Variants in RMDN3 observed in about 807,000 individuals in gnomAD.
RMDN3 encodes regulator of microtubule dynamics 3.
Under a neutral mutation model 61.8 loss-of-function variants are expected in RMDN3, and 41 were observed. That is an observed-to-expected ratio of 0.66 (90% CI 0.52 to 0.86). The LOEUF (loss-of-function observed/expected upper bound fraction) is 0.86, where lower values mean the gene tolerates loss of function less well. Among genes scored for constraint, RMDN3 ranks in the 40% least tolerant of loss-of-function variants. The pLI is 0.00. For missense variants in RMDN3, 557 were observed against 585.3 expected (o/e 0.95, Z 0.50); for synonymous variants, 247 against 232.0 (o/e 1.06, Z -0.59).
chr15:40,748,214 T>C (rs947441842), intron 4 of RMDN3, among the ~76,000 whole-genome samples: 35 of 152,148 alleles, frequency 2.3e-4, no homozygotes, highest in Admixed American at 9.8e-4. Context: ...CAGCCCTTCA[T>C]CCCTCAAAGC....
At chr15:40,742,839 CA>C (rs1897336361) in intron 6 of RMDN3, among the ~76,000 whole-genome samples, 1 of 152,078 alleles carries the variant, frequency 6.6e-6, no homozygotes, top group South Asian at 2.1e-4. Flanking sequence ...ATGAAGAGTC[CA>C]AAAATCAGCC....
Position 40,750,231 on chromosome 15 carries a change from T to C in RMDN3, c.524+1195A>G, listed in dbSNP as rs1393408841. Among the ~76,000 whole-genome samples the C allele has an allele frequency of 3.5e-4, 51 of 145,044 alleles. 1 individual carries two copies. The highest frequency in any genetic ancestry group is 1.3e-3 in the African/African-American group (49 of 37,658). ...GCTCGTTTTTTTTTTTTTTTTTTTT[T>C]TTCTTTGAGATGGAGTCTCACTCTG... On this transcript the variant is annotated intron_variant, in intron 4 of 12. Transcript: ENST00000338376.
intron 4 of RMDN3, among the ~76,000 whole-genome samples, chr15:40,749,631 T>C (rs1041158814): frequency 6.6e-6 from 1 of 152,206 alleles, no homozygotes; most frequent in Admixed American, 6.5e-5. Context: ...CAAACATCAA[T>C]TCCCCACCCA....
chr15:40,743,732 ACCT>A (rs1897372154), intron 6 of RMDN3, among the ~76,000 whole-genome samples: 1 of 152,112 alleles, frequency 6.6e-6, no homozygotes. Flanking sequence ...GCAGCAAAAA[ACCT>A]CAGGTTAAGA....
Position 40,745,125 on chromosome 15 carries a change from G to A in RMDN3, c.659C>T (p.Ala220Val), listed in dbSNP as rs769673003. 6 of 1,614,028 alleles carry A rather than the reference G, an allele frequency of 3.7e-6. No homozygotes were observed. In the South Asian group the frequency reaches 6.6e-5, roughly 18 times the overall value. The change falls in exon 5 of 13, where the codon GCT (alanine) becomes GTT (valine). Residue 220 changes from alanine to valine, a missense_variant. Coordinates refer to ENST00000338376, the MANE Select transcript of RMDN3 (RefSeq NM_018145.3). ...KDSLDLEEEAASGASSALEAG... is the reference protein window; with the variant it reads ...KDSLDLEEEAVSGASSALEAG... ...CTCCAGGGCACTGGAGGCACCTGAAGCTGCCTCTTCCTCCAAGTCAAGAGA... is the reference window on the plus strand; with the variant it reads ...CTCCAGGGCACTGGAGGCACCTGAAACTGCCTCTTCCTCCAAGTCAAGAGA...
intron 4 of RMDN3, among the ~76,000 whole-genome samples, chr15:40,745,870 C>G (rs1387081025): frequency 1.3e-5 from 2 of 152,212 alleles, no homozygotes; most frequent in African/African-American, 4.8e-5. Flanking sequence ...CAGCCACACA[C>G]ACATCCACAA....
intron 8 of RMDN3, 55 bp downstream of exon 8, chr15:40,738,446 G>C: frequency 6.4e-7 from 1 of 1,567,484 alleles, no homozygotes; most frequent in South Asian, 1.1e-5. Flanking sequence ...AGCTGGAAAG[G>C]AGTGGGGAAT....
intron 7 of RMDN3, 144 bp from the exon 8 acceptor site, chr15:40,738,720 T>A (rs1254362116): frequency 4.0e-5 from 29 of 724,670 alleles, no homozygotes; most frequent in Non-Finnish European, 1.9e-5. Context: ...CATCTGTACG[T>A]AATCCCCATT....
intron 4 of RMDN3, among the ~76,000 whole-genome samples, chr15:40,745,584 TC>T (rs1897503561): frequency 1.3e-5 from 2 of 152,100 alleles, no homozygotes; most frequent in Middle Eastern, 3.4e-3. Context: ...CAGACTGGTC[TC>T]AAACCCCTGG....
rs780908773 is a variant in RMDN3 at position 40,738,028 on chromosome 15, T to G, written c.1062A>C (p.Lys354Asn). 12 of 1,614,000 alleles carry G rather than the reference T, an allele frequency of 7.4e-6. No individual in the cohort carries two copies. In the East Asian group the frequency reaches 2.7e-4, roughly 36 times the overall value. The change falls in exon 9 of 13, where the codon AAA (lysine) becomes AAC (asparagine). Residue 354 changes from lysine (K) to asparagine (N), a missense_variant. By Grantham distance (94) the Lys-to-Asn change is moderately conservative. Transcript: ENST00000338376. ...SGFSFKEHVD[K>N]AIALQPENPM... ...GGTTTTCTGGCTGGAGAGCAATGGC[T>G]TTGTCCACATGCTCCTAAGGGGAAA...
At position 40,737,381 on chromosome 15, in the gene RMDN3, A is replaced by G. The variant is rs116351777; in HGVS notation, c.1225-40T>C. 686 of 1,575,826 alleles carry G rather than the reference A, an allele frequency of 4.4e-4. 4 individuals are homozygous for G. The African/African-American group carries it at 8.6e-3, about 20-fold the overall frequency. ...AAAGATATTTCAGTAAGAGGTTCCTATATTCTAATCAGGCTGAAGTTTATT... is the reference window on the plus strand; with the variant it reads ...AAAGATATTTCAGTAAGAGGTTCCTGTATTCTAATCAGGCTGAAGTTTATT... On this transcript the variant is annotated intron_variant, in intron 10 of 12. Coordinates refer to ENST00000338376, the MANE Select transcript of RMDN3 (RefSeq NM_018145.3).
chr15:40,744,887 A>G (rs1028612947), intron 5 of RMDN3, 90 bp downstream of exon 5: 4 of 1,369,238 alleles, frequency 2.9e-6, no homozygotes. Flanking sequence ...TAGGGGCAGT[A>G]ACCACACGGG....
chr15:40,744,299 C>G (rs1186456242), intron 5 of RMDN3, 150 bp from the exon 6 acceptor site: 1 of 647,028 alleles, frequency 1.5e-6, no homozygotes, highest in African/African-American at 1.8e-5. Context: ...CAGCCTTCCC[C>G]CCAGTCATCC....
At chr15:40,744,543 G>A (rs181697715) in intron 5 of RMDN3, among the ~76,000 whole-genome samples, 1 of 151,878 alleles carries the variant, frequency 6.6e-6, no homozygotes, top group Admixed American at 6.6e-5. Context: ...TATTCTGTCA[G>A]TGAACCTGAC....
At position 40,749,841 on chromosome 15, in the gene RMDN3, G is replaced by A. The variant is rs1040531496; in HGVS notation, c.524+1585C>T. On this transcript the variant is annotated intron_variant, in intron 4 of 12. Transcript: ENST00000338376. ...GAATAGAAAAGGGCCACCTCTGTTT[G>A]CCCTTGAGAATGCAGATAACAGGGA... Among the ~76,000 whole-genome samples the A allele has an allele frequency of 8.5e-5, 13 of 152,128 alleles. 1 individual carries two copies. The highest frequency in any genetic ancestry group is 6.2e-4 in the South Asian group (3 of 4,826).
At chr15:40,741,410 C>G (rs1247036423) in intron 6 of RMDN3, among the ~76,000 whole-genome samples, 2 of 152,040 alleles carry the variant, frequency 1.3e-5, no homozygotes, top group Non-Finnish European at 1.5e-5. Context: ...AAAACTCTTT[C>G]ACAAGAGCCA....
chr15:40,744,259 A>G (rs1304163340), intron 5 of RMDN3, 110 bp from the exon 6 acceptor site: 1 of 918,886 alleles, frequency 1.1e-6, no homozygotes, highest in South Asian at 1.4e-5. Context: ...AGTATGTTAC[A>G]GTCATCAATA....
chr15:40,738,423 G>T, intron 8 of RMDN3, 78 bp downstream of exon 8: 2 of 1,454,506 alleles, frequency 1.4e-6, no homozygotes, highest in Non-Finnish European at 9.6e-7. Context: ...CTGTAGAAAA[G>T]TTTTTGGCAG....
chr15:40,751,839 G>T, intron 3 of RMDN3, 147 bp downstream of exon 3: 3 of 906,456 alleles, frequency 3.3e-6, no homozygotes, highest in African/African-American at 1.7e-5. Flanking sequence ...GCAAGGCGAG[G>T]TACCAAATGT....
Sources: gnomAD v4.1 joint callset for allele counts (sites outside exome capture counted in the v4.1 genomes callset) on GRCh38, gnomAD v4.1.1 for gene constraint, MANE v1.5 for transcripts, NCBI Gene and HGNC (gene_info 2026-07-23, HGNC 2026-07-21) for gene names.